FBH1: variants seen among roughly 807,000 people sequenced by gnomAD.
FBH1 encodes the protein F-box DNA helicase 1.
A neutral mutation model predicts 115.5 loss-of-function variants in FBH1; 43 were observed. The observed-to-expected ratio is 0.37, with a 90% CI of 0.29 to 0.48. The LOEUF is 0.48. FBH1 is among the 20% of genes least tolerant of loss of function. The probability of loss-of-function intolerance (pLI) is 0.99; values close to 1 mark genes in which losing one functional copy is unlikely to be tolerated. For synonymous variants in FBH1, 524 were observed against 507.8 expected (o/e 1.03, Z -0.43); for missense variants, 1,001 against 1,337.3 (o/e 0.75, Z 3.92).
In FBH1 at chr10:5,911,217, T is replaced by G; in HGVS notation, c.1211+89T>G. On this transcript the variant is annotated intron_variant, in intron 6 of 20. Coordinates refer to ENST00000362091, the MANE Select transcript of FBH1 (RefSeq NM_178150.3). This position sits in a 1 kb window ranked among gnomAD's most constrained non-coding sequence, Gnocchi z 5.4. The stretch of plus-strand genomic sequence containing the variant: ...GGTCCAGCCCTGCCACTTAGCAGTG[T>G]TAGCACCTGGCAGGCTGTGGGACCC... 1 of 1,341,004 alleles carries G rather than the reference T, an allele frequency of 7.5e-7. No homozygotes were observed. The highest frequency in any genetic ancestry group is 1.0e-6 in the Non-Finnish European group (1 of 978,432). 83.1% of individuals were successfully genotyped at this position (1,341,004 alleles called of 1,614,324 possible). A position where few individuals can be genotyped will look rare whatever the true frequency, so the allele number is the denominator to read the frequency against.
Position 5,925,457 on chromosome 10 carries a change from G to A in FBH1, c.2687G>A (p.Arg896Gln), listed in dbSNP as rs1335972667. 1.2e-6 allele frequency: 2 copies of A among 1,613,982 alleles called. No individual in the cohort carries two copies. Among genetic ancestry groups the A allele is most frequent in the Non-Finnish European group, 1.7e-6 (2 of 1,180,042 alleles). Residue 896 changes from arginine to glutamine, a missense_variant, in exon 18 of 21, where the codon CGG becomes CAG. Arg to Gln is a conservative substitution (Grantham distance 43). Around this residue, in one of 4 missense-constraint regions of FBH1, gnomAD observed 521 missense variants for 811.0 expected, o/e 0.64. Coordinates refer to ENST00000362091, the MANE Select transcript of FBH1 (RefSeq NM_178150.3). This position sits in a 1 kb window ranked among gnomAD's most constrained non-coding sequence, Gnocchi z 4.6. ...GATTTTGTGAAAGTGCCTTGTGCCCGGCATAACCTGCCCCAGCTTCCGCAC... is the reference window on the plus strand; with the variant it reads ...GATTTTGTGAAAGTGCCTTGTGCCCAGCATAACCTGCCCCAGCTTCCGCAC... ...LDDFVKVPCARHNLPQLPHFR... is the reference protein window; with the variant it reads ...LDDFVKVPCAQHNLPQLPHFR...
rs1832526443 is a variant in FBH1, at chr10:5,924,687, C to T, written c.2596+179C>T. ...GGTTCAAGCAATTATCCTGCCTCAG[C>T]CTCGTGAGTAGCTGGGACTACAGGC... On this transcript the variant is annotated intron_variant, in intron 17 of 20. Coordinates refer to ENST00000362091, the MANE Select transcript of FBH1 (RefSeq NM_178150.3). This position sits in a 1 kb window ranked among gnomAD's most constrained non-coding sequence, Gnocchi z 6.2. 7.4e-6 allele frequency: 5 copies of T among 674,724 alleles called. No homozygotes were observed. The highest frequency in any genetic ancestry group is 1.1e-5 in the Non-Finnish European group (4 of 378,138). The allele number at this position is 674,724 out of a possible 1,614,324, so 41.8% of individuals were successfully genotyped here.
rs565699735 is a variant in FBH1 at position 5,895,880 on chromosome 10, C to T, written c.1+5534C>T. Among the ~76,000 whole-genome samples the T allele has an allele frequency of 6.4e-4, 98 of 152,294 alleles. No homozygotes were observed. Among genetic ancestry groups the T allele is most frequent in the African/African-American group, 2.3e-3 (94 of 41,558 alleles). On this transcript the variant is annotated intron_variant, in intron 1 of 20. Coordinates refer to ENST00000362091, the MANE Select transcript of FBH1 (RefSeq NM_178150.3). This position sits in a 1 kb window ranked among gnomAD's most constrained non-coding sequence, Gnocchi z 5.0. ...GCACCCAGCGGTAAGGCGACATCCA[C>T]CTGCACGCAGGACTGGGAAGTATAG...
chr10:5,916,164 A>C lies in FBH1; in HGVS notation c.1566-70A>C. ...GCTACCTCCTGGTGACATTAGAGAG[A>C]ATGGAGGGGACGTTCAATAGCACCA... On this transcript the variant is annotated intron_variant, in intron 9 of 20. Coordinates refer to ENST00000362091, the MANE Select transcript of FBH1 (RefSeq NM_178150.3). 7 of 1,345,738 alleles carry C rather than the reference A, an allele frequency of 5.2e-6. No individual in the cohort carries two copies. The South Asian group carries it at 8.7e-5, about 17-fold the overall frequency. The allele number at this position is 1,345,738 out of a possible 1,614,324, so 83.4% of individuals were successfully genotyped here.
Position 5,935,524 on chromosome 10 carries a change from G to A in FBH1, c.2830-932G>A, listed in dbSNP as rs1833278868. The A allele has an allele frequency of 6.6e-6, 1 of 152,214 alleles. No homozygotes were observed. Among genetic ancestry groups the A allele is most frequent in the African/African-American group, 2.4e-5 (1 of 41,448 alleles). 9.4% of individuals were successfully genotyped at this position (152,214 alleles called of 1,614,324 possible). A position where few individuals can be genotyped will look rare whatever the true frequency, so the allele number is the denominator to read the frequency against. On this transcript the variant is annotated intron_variant, in intron 19 of 20. Transcript: ENST00000362091. This position sits in a 1 kb window ranked among gnomAD's most constrained non-coding sequence, Gnocchi z 5.2. ...AAGGAAATTGAGATGACAGTCCAAG[G>A]GACTTCAGCAAAATCTGTGACTTCA...
Position 5,925,968 on chromosome 10 carries a change from A to G in FBH1, c.2722+476A>G, listed in dbSNP as rs1832622369. 6.6e-6 allele frequency among the ~76,000 whole-genome samples: 1 copy of G among 152,142 alleles called. No homozygotes were observed. Among genetic ancestry groups the G allele is most frequent in the African/African-American group, 2.4e-5 (1 of 41,418 alleles). ...GTTTTTTGGTACAGACAGGGGTCTC[A>G]CTATGTTGCTCAGGCTGGTCTCAAA... On this transcript the variant is annotated intron_variant, in intron 18 of 20. Coordinates refer to ENST00000362091, the MANE Select transcript of FBH1 (RefSeq NM_178150.3). The surrounding 1 kb of genome is among the most constrained non-coding windows in gnomAD (Gnocchi z 4.6).
rs1223414185 is a variant in FBH1, at chr10:5,933,653, T to C, written c.2830-2803T>C. ...GGAGGCACTCTGCTGTTTTTTTTTT[T>C]TTTTTAAAAAACAGAGTCTCACTCT... is the stretch of plus-strand genomic sequence containing the variant. On this transcript the variant is annotated intron_variant, in intron 19 of 20. Coordinates refer to ENST00000362091, the MANE Select transcript of FBH1 (RefSeq NM_178150.3). This position sits in a 1 kb window ranked among gnomAD's most constrained non-coding sequence, Gnocchi z 4.9. Among the ~76,000 whole-genome samples the C allele has an allele frequency of 6.6e-6, 1 of 151,934 alleles. No individual in the cohort carries two copies. Among genetic ancestry groups the C allele is most frequent in the Admixed American group, 6.6e-5 (1 of 15,250 alleles).
Position 5,906,428 on chromosome 10 carries a change from T to C in FBH1, c.549T>C (p.Asp183=). The C allele has an allele frequency of 6.2e-7, 1 of 1,614,210 alleles. No homozygotes were observed. The highest frequency in any genetic ancestry group is 8.5e-7 in the Non-Finnish European group (1 of 1,180,010). ...LSAESGETDQ[D]AGDVGPDPIP... ...CGGAGTCTGGTGAAACCGACCAAGA[T>C]GCTGGGGACGTGGGTCCTGATCCCA... The change falls in exon 3 of 21, where the codon GAT becomes GAC. Residue 183 remains aspartate (D), a synonymous_variant. Coordinates refer to ENST00000362091, the MANE Select transcript of FBH1 (RefSeq NM_178150.3). The surrounding 1 kb of genome is among the most constrained non-coding windows in gnomAD (Gnocchi z 7.3).
rs1330803238 is a variant in FBH1 at position 5,925,660 on chromosome 10, A to T, written c.2722+168A>T. Among the ~76,000 whole-genome samples, 2 of 152,088 alleles carry T rather than the reference A, an allele frequency of 1.3e-5. No homozygotes were observed. Among genetic ancestry groups the T allele is most frequent in the Non-Finnish European group, 2.9e-5 (2 of 68,008 alleles). On this transcript the variant is annotated intron_variant, in intron 18 of 20. Transcript: ENST00000362091. The surrounding 1 kb of genome is among the most constrained non-coding windows in gnomAD (Gnocchi z 4.6). ...TCCTAGTCCTAAACTTTTGATTCTT[A>T]TACTGTGGTTTTTTAAAAAACAAAA...
At chr10:5,890,200 G>A (rs1057433054), upstream of FBH1, 4 of 343,670 alleles carry the variant, frequency 1.2e-5, no homozygotes, top group African/African-American at 2.2e-5. Flanking sequence ...GCTGCGGCGG[G>A]GCGGAGCTCG....
Position 5,913,737 on chromosome 10 carries a change from T to C in FBH1, c.1212-10T>C. The C allele has an allele frequency of 2.6e-6, 4 of 1,532,506 alleles. No homozygotes were observed. Among genetic ancestry groups the C allele is most frequent in the Non-Finnish European group, 3.5e-6 (4 of 1,146,196 alleles). The allele number at this position is 1,532,506 out of a possible 1,614,324, so 94.9% of individuals were successfully genotyped here. A position where few individuals can be genotyped will look rare whatever the true frequency, so the allele number is the denominator to read the frequency against. ...TTGAGACTTTCTAAATCTACTTTTT[T>C]TTCTGGTAGGATTCACTACAACATT... On this transcript the variant is annotated splice_polypyrimidine_tract_variant and intron_variant, in intron 6 of 20. Coordinates refer to ENST00000362091, the MANE Select transcript of FBH1 (RefSeq NM_178150.3). This position sits in a 1 kb window ranked among gnomAD's most constrained non-coding sequence, Gnocchi z 4.4.
At chr10:5,930,394 G>A (rs556361953) in intron 19 of FBH1, among the ~76,000 whole-genome samples, 1 of 152,162 alleles carries the variant, frequency 6.6e-6, no homozygotes, top group East Asian at 1.9e-4. Flanking sequence ...GCATAAACTG[G>A]GTCATTCGTC....
rs774431806 is a variant in FBH1 at position 5,895,218 on chromosome 10, G to C, written c.1+4872G>C. 1.3e-6 allele frequency: 2 copies of C among 1,591,144 alleles called. No individual in the cohort carries two copies. The highest frequency in any genetic ancestry group is 2.2e-5 in the South Asian group (2 of 89,008). The stretch of plus-strand genomic sequence containing the variant: ...AGGCATGTGGGAAACTGACCAGGGC[G>C]GTTAGCTGACTCCAAAATTGTCCAG... On this transcript the variant is annotated intron_variant, in intron 1 of 20. Coordinates refer to ENST00000362091, the MANE Select transcript of FBH1 (RefSeq NM_178150.3). The surrounding 1 kb of genome is among the most constrained non-coding windows in gnomAD (Gnocchi z 5.0).
chr10:5,931,775 C>T lies in FBH1; in HGVS notation c.2829+4234C>T, dbSNP rs1347616326. ...TTAGACATGTAGTTTATTCATAATA[C>T]CTACAGGGGTTGCTTTGCTTCTTTT... On this transcript the variant is annotated intron_variant, in intron 19 of 20. Coordinates refer to ENST00000362091, the MANE Select transcript of FBH1 (RefSeq NM_178150.3). This position sits in a 1 kb window ranked among gnomAD's most constrained non-coding sequence, Gnocchi z 4.3. Among the ~76,000 whole-genome samples, 1 of 152,156 alleles carries T rather than the reference C, an allele frequency of 6.6e-6. No individual in the cohort carries two copies. Among genetic ancestry groups the T allele is most frequent in the Non-Finnish European group, 1.5e-5 (1 of 68,040 alleles).
chr10:5,935,311 G>A lies in FBH1; in HGVS notation c.2830-1145G>A, dbSNP rs1156598667. 6.6e-6 allele frequency: 1 copy of A among 152,216 alleles called. No individual in the cohort carries two copies. Among genetic ancestry groups the A allele is most frequent in the Non-Finnish European group, 1.5e-5 (1 of 68,040 alleles). The allele number at this position is 152,216 out of a possible 1,614,324, so 9.4% of individuals were successfully genotyped here. ...GAATGGGTAAATGAAATACAAGAGAGCGCTGTGACTGAGTCCTCTACAGCA... is the reference window on the plus strand; with the variant it reads ...GAATGGGTAAATGAAATACAAGAGAACGCTGTGACTGAGTCCTCTACAGCA... On this transcript the variant is annotated intron_variant, in intron 19 of 20. Transcript: ENST00000362091. The surrounding 1 kb of genome is among the most constrained non-coding windows in gnomAD (Gnocchi z 5.2).
rs573792549 is a variant in FBH1, at chr10:5,924,220, C to G, written c.2399-91C>G. On this transcript the variant is annotated intron_variant, in intron 16 of 20. Coordinates refer to ENST00000362091, the MANE Select transcript of FBH1 (RefSeq NM_178150.3). The surrounding 1 kb of genome is among the most constrained non-coding windows in gnomAD (Gnocchi z 6.2). ...GGTCTCCCCACTTTAAGACCATCTG[C>G]TCTTGCGCAGCTGCTTAGGAACGTG... 3 of 1,293,398 alleles carry G rather than the reference C, an allele frequency of 2.3e-6. No individual in the cohort carries two copies. Among genetic ancestry groups the G allele is most frequent in the Non-Finnish European group, 2.2e-6 (2 of 912,776 alleles). 80.1% of individuals were successfully genotyped at this position (1,293,398 alleles called of 1,614,324 possible).
chr10:5,935,234 A>G lies in FBH1; in HGVS notation c.2830-1222A>G, dbSNP rs559553448. On this transcript the variant is annotated intron_variant, in intron 19 of 20. Coordinates refer to ENST00000362091, the MANE Select transcript of FBH1 (RefSeq NM_178150.3). The surrounding 1 kb of genome is among the most constrained non-coding windows in gnomAD (Gnocchi z 5.2). ...ACAGGGAGTCAGGTACAGGATGTTC[A>G]TTGCTGCATTGTTGGAAATAGTTTG... The G allele has an allele frequency of 6.6e-6, 1 of 152,220 alleles. No homozygotes were observed. The highest frequency in any genetic ancestry group is 1.5e-5 in the Non-Finnish European group (1 of 68,052). 9.4% of individuals were successfully genotyped at this position (152,220 alleles called of 1,614,324 possible).
At chr10:5,899,606 T>C (rs1843217230) in intron 1 of FBH1, among the ~76,000 whole-genome samples, 1 of 152,140 alleles carries the variant, frequency 6.6e-6, no homozygotes, top group Non-Finnish European at 1.5e-5. Flanking sequence ...CTCTGTTGGA[T>C]CTATAGGGCC....
rs1832450619 is a variant in FBH1, at chr10:5,923,725, G to A, written c.2398+29G>A. On this transcript the variant is annotated intron_variant, in intron 16 of 20. Transcript: ENST00000362091. The surrounding 1 kb of genome is among the most constrained non-coding windows in gnomAD (Gnocchi z 5.7). ...AGTACCCACCTGGCCTTGGTGCATT[G>A]GAAGGACGCACCCAAGTGACAGGGA... is the stretch of plus-strand genomic sequence containing the variant. 6.3e-7 allele frequency: 1 copy of A among 1,588,088 alleles called. No homozygotes were observed. The highest frequency in any genetic ancestry group is 8.6e-7 in the Non-Finnish European group (1 of 1,159,052).
Sources: gnomAD v4.1 joint callset for allele counts (sites outside exome capture counted in the v4.1 genomes callset) on GRCh38, gnomAD v4.1.1 for gene constraint, gnomAD v4.1.1 regional missense constraint, Gnocchi (gnomAD v3.1) non-coding constraint, MANE v1.5 for transcripts, NCBI Gene and HGNC (gene_info 2026-07-23, HGNC 2026-07-21) for gene names.